PADI1: variants seen among roughly 807,000 people sequenced by gnomAD.
PADI1 encodes the protein peptidyl arginine deiminase 1.
In PADI1, 65 loss-of-function variants were observed where a neutral mutation model predicts 74.8. The ratio of observed to expected loss-of-function variants is 0.87; its 90% CI spans 0.71 to 1.07. PADI1 has a LOEUF of 1.07. PADI1 is among the 50% of genes least tolerant of loss of function. PADI1 has a pLI of 0.00. For missense variants in PADI1, 943 were observed against 854.0 expected (o/e 1.10, Z -1.30); for synonymous variants, 371 against 336.2 (o/e 1.10, Z -1.13).
At chr1:17,206,075 G>A (rs1391119126) in intron 1 of PADI1, among the ~76,000 whole-genome samples, 2 of 152,212 alleles carry the variant, frequency 1.3e-5, no homozygotes, top group African/African-American at 4.8e-5. Flanking sequence ...ATTGGATTTG[G>A]TGATCTCTGG....
At position 17,236,242 on chromosome 1, in the gene PADI1, T is replaced by G. The variant is rs993124566; in HGVS notation, c.1314-1072T>G. ...AAATAAGTACCTCCAATCATATGTATGAATATAGTATGAATGCATGAACAA... is the reference window on the plus strand; with the variant it reads ...AAATAAGTACCTCCAATCATATGTAGGAATATAGTATGAATGCATGAACAA... On this transcript the variant is annotated intron_variant, in intron 11 of 15. Coordinates refer to ENST00000375471, the MANE Select transcript of PADI1 (RefSeq NM_013358.3). Among the ~76,000 whole-genome samples, 4 of 152,332 alleles carry G rather than the reference T, an allele frequency of 2.6e-5. No individual in the cohort carries two copies. In the East Asian group the frequency reaches 7.7e-4, roughly 29 times the overall value.
chr1:17,210,249 T>C (rs746083732), intron 1 of PADI1, among the ~76,000 whole-genome samples: 9 of 151,962 alleles, frequency 5.9e-5, no homozygotes, highest in Non-Finnish European at 1.0e-4. Context: ...CCTCAAACTC[T>C]TGGGCTCAAG....
chr1:17,235,035 T>C (rs374858714), intron 11 of PADI1, among the ~76,000 whole-genome samples: 2 of 151,584 alleles, frequency 1.3e-5, no homozygotes, highest in East Asian at 3.9e-4. Flanking sequence ...GAGAATTGCT[T>C]GAATCCAGGA....
At chr1:17,207,264 T>C (rs1378711300) in intron 1 of PADI1, among the ~76,000 whole-genome samples, 1 of 152,166 alleles carries the variant, frequency 6.6e-6, no homozygotes, top group African/African-American at 2.4e-5. Flanking sequence ...CTGGGTTTCA[T>C]TTCCTCATCT....
Position 17,222,078 on chromosome 1 carries a change from T to A in PADI1, c.93-212T>A, listed in dbSNP as rs114160979. ...GGAAGTGTCAGATCTGGAAAGGACT[T>A]GGGTGTGGGCTGGGGGTGTCCAAGG... On this transcript the variant is annotated intron_variant, in intron 1 of 15. Transcript: ENST00000375471. 4.5e-3 allele frequency among the ~76,000 whole-genome samples: 679 copies of A among 152,292 alleles called. 8 individuals are homozygous for A. The highest frequency in any genetic ancestry group is 0.015 in the African/African-American group (630 of 41,556).
chr1:17,217,967 A>C (rs2072025399), intron 1 of PADI1, among the ~76,000 whole-genome samples: 1 of 152,284 alleles, frequency 6.6e-6, no homozygotes, highest in African/African-American at 2.4e-5. Flanking sequence ...TTCAGCAAAG[A>C]GGTTGCTCAT....
intron 15 of PADI1, among the ~76,000 whole-genome samples, chr1:17,242,928 T>A (rs988397159): frequency 8.6e-5 from 13 of 151,756 alleles, no homozygotes; most frequent in African/African-American, 2.4e-4. Flanking sequence ...GGCCCATTAG[T>A]GGGCAAAGAG....
intron 1 of PADI1, among the ~76,000 whole-genome samples, chr1:17,220,391 G>T (rs1170032112): frequency 3.3e-5 from 5 of 152,120 alleles, no homozygotes; most frequent in Admixed American, 2.6e-4. Flanking sequence ...GAATATTTGG[G>T]TGGTTTTTTA....
At chr1:17,228,877 TG>T in intron 7 of PADI1, 70 bp from the exon 8 acceptor site, 1 of 1,530,278 alleles carries the variant, frequency 6.5e-7, no homozygotes, top group South Asian at 1.1e-5. Flanking sequence ...CTGGGCAGGC[TG>T]GGGGCTGGGG....
At chr1:17,225,732 C>A (rs181583834) in intron 4 of PADI1, 79 bp from the exon 5 acceptor site, 6 of 904,664 alleles carry the variant, frequency 6.6e-6, no homozygotes, top group African/African-American at 3.3e-5. Flanking sequence ...AATAAAGCAG[C>A]CCGCCCTGGC....
intron 1 of PADI1, among the ~76,000 whole-genome samples, chr1:17,206,429 C>T (rs767014707): frequency 9.2e-5 from 14 of 152,092 alleles, no homozygotes; most frequent in Admixed American, 1.3e-4. Flanking sequence ...GAAACCAAAC[C>T]TTGACTCTAA....
intron 13 of PADI1, among the ~76,000 whole-genome samples, chr1:17,239,282 T>C (rs2072722665): frequency 6.6e-6 from 1 of 152,212 alleles, no homozygotes; most frequent in African/African-American, 2.4e-5. Flanking sequence ...GTTCAAATCC[T>C]GATCTTGGCA....
intron 11 of PADI1, among the ~76,000 whole-genome samples, chr1:17,236,353 T>C (rs2100515307): frequency 6.6e-6 from 1 of 152,306 alleles, no homozygotes; most frequent in Middle Eastern, 3.4e-3. Context: ...AGGGCTGTCA[T>C]AAGGATTAAA....
Position 17,237,330 on chromosome 1 carries a change from A to G in PADI1, c.1330A>G (p.Met444Val). The G allele has an allele frequency of 6.2e-7, 1 of 1,609,696 alleles. No individual in the cohort carries two copies. Among genetic ancestry groups the G allele is most frequent in the East Asian group, 2.2e-5 (1 of 44,514 alleles). ...SSFPKSGGRQ[M>V]ARAVRNFLKA... ...CCTGGCCAGGTCCGGTGGGCGGCAG[A>G]TGGCCAGGGCAGTGCGGAACTTCCT... The change falls in exon 12 of 16, where the codon ATG becomes GTG. Residue 444 changes from methionine (M) to valine (V), a missense_variant. By Grantham distance (21) the Met-to-Val change is conservative. Transcript: ENST00000375471.
At chr1:17,235,553 G>A in intron 11 of PADI1, among the ~76,000 whole-genome samples, 1 of 152,114 alleles carries the variant, frequency 6.6e-6, no homozygotes, top group East Asian at 1.9e-4. Context: ...TCTCCTCCAG[G>A]ATCCTTGGGA....
chr1:17,245,767 A>C lies in PADI1; in HGVS notation c.*1524A>C, dbSNP rs1160717112. 1 of 152,462 alleles carries C rather than the reference A, an allele frequency of 6.6e-6. No homozygotes were observed. Among genetic ancestry groups the C allele is most frequent in the Non-Finnish European group, 1.5e-5 (1 of 68,282 alleles). The allele number at this position is 152,462 out of a possible 1,614,324, so 9.4% of individuals were successfully genotyped here. The stretch of plus-strand genomic sequence containing the variant: ...AGCCTGCACTGAGTCAAGAAGGAGA[A>C]GGAGGCTCTGAAGGGGCCGGGGGTG... On this transcript the variant is annotated 3_prime_UTR_variant, in exon 16 of 16. Coordinates refer to ENST00000375471, the MANE Select transcript of PADI1 (RefSeq NM_013358.3). This position sits in a 1 kb window ranked among gnomAD's most constrained non-coding sequence, Gnocchi z 4.1.
chr1:17,232,448 G>A (rs1271197944), intron 10 of PADI1, among the ~76,000 whole-genome samples: 1 of 152,190 alleles, frequency 6.6e-6, no homozygotes, highest in Non-Finnish European at 1.5e-5. Flanking sequence ...TAGCAGTGCT[G>A]CCTCGTCAAC....
Position 17,226,158 on chromosome 1 carries a change from G to A in PADI1, c.652G>A (p.Gly218Ser), listed in dbSNP as rs748411451. The A allele has an allele frequency of 3.1e-6, 5 of 1,614,056 alleles. No individual in the cohort carries two copies. In the East Asian group the frequency reaches 8.9e-5, roughly 29 times the overall value. The change falls in exon 6 of 16, where the codon GGT (glycine) becomes AGT (serine). Residue 218 changes from glycine to serine, a missense_variant and splice_region_variant. Coordinates refer to ENST00000375471, the MANE Select transcript of PADI1 (RefSeq NM_013358.3). ...SKRVRVFCAR[G>S]GNSLSDYKQV... is the part of the protein sequence containing the mutation. ...AAGAGTGAGGGTCTTCTGTGCCAGGGGTGAGTGGCCTGATGGGGCCTTTTC... is the reference window on the plus strand; with the variant it reads ...AAGAGTGAGGGTCTTCTGTGCCAGGAGTGAGTGGCCTGATGGGGCCTTTTC...
intron 11 of PADI1, among the ~76,000 whole-genome samples, chr1:17,236,265 C>T (rs1030168902): frequency 6.6e-6 from 1 of 152,194 alleles, no homozygotes; most frequent in Non-Finnish European, 1.5e-5. Context: ...AATGCATGAA[C>T]AAATGCATAT....
Sources: gnomAD v4.1 joint callset for allele counts (sites outside exome capture counted in the v4.1 genomes callset) on GRCh38, gnomAD v4.1.1 for gene constraint, Gnocchi (gnomAD v3.1) non-coding constraint, MANE v1.5 for transcripts, NCBI Gene and HGNC (gene_info 2026-07-23, HGNC 2026-07-21) for gene names.